Variants in TBC1D5 observed in about 807,000 individuals in gnomAD.
The protein encoded by TBC1D5 is TBC1 domain family member 5, also known as TBC1 domain family, member 5.
TBC1D5 carries 75 observed loss-of-function variants against 100.3 expected under a neutral mutation model. The ratio of observed to expected loss-of-function variants is 0.75; its 90% confidence interval spans 0.62 to 0.91. The LOEUF (loss-of-function observed/expected upper bound fraction) is 0.91, where lower values mean the gene tolerates loss of function less well. Among genes scored for constraint, TBC1D5 ranks in the 40% least tolerant of loss-of-function variants. The pLI, the probability that TBC1D5 is intolerant of heterozygous loss-of-function variation, is 0.00. For missense variants in TBC1D5, 910 were observed against 942.4 expected, an observed-to-expected ratio of 0.97 and a Z score of 0.45; for synonymous variants, 323 against 325.6, an observed-to-expected ratio of 0.99 and a Z score of 0.09.
chr3:17,184,904 A>G (rs757672872), intron 19 of TBC1D5: 3 of 323,174 alleles, frequency 9.3e-6, no homozygotes, highest in Non-Finnish European at 1.7e-5. Context: ...ATCTTGGGGC[A>G]TTTTCTTAAT....
chr3:17,208,958 A>G (rs983597817), intron 18 of TBC1D5, among the ~76,000 whole-genome samples: 9 of 152,242 alleles, frequency 5.9e-5, no homozygotes, highest in Non-Finnish European at 1.0e-4. Flanking sequence ...TAAGTTATAT[A>G]TGTAACACTT....
At chr3:17,516,289 G>C (rs1197015958) in intron 2 of TBC1D5, among the ~76,000 whole-genome samples, 2 of 151,752 alleles carry the variant, frequency 1.3e-5, no homozygotes. Context: ...ATTAGAATAA[G>C]TTTTTTTTAA....
intron 15 of TBC1D5, among the ~76,000 whole-genome samples, chr3:17,282,137 A>G (rs2149926940): frequency 6.6e-6 from 1 of 152,330 alleles, no homozygotes; most frequent in South Asian, 2.1e-4. Flanking sequence ...ATCACCCTTT[A>G]AAAAACAATT....
chr3:17,350,760 T>C (rs2090474516), intron 13 of TBC1D5, among the ~76,000 whole-genome samples: 1 of 152,182 alleles, frequency 6.6e-6, no homozygotes, highest in African/African-American at 2.4e-5. Context: ...TTTATTTTTG[T>C]GTCAAAGGCT....
intron 15 of TBC1D5, among the ~76,000 whole-genome samples, chr3:17,285,344 T>C (rs2081071331): frequency 7.3e-6 from 1 of 136,408 alleles, no homozygotes; most frequent in Non-Finnish European, 1.5e-5. Flanking sequence ...CACTGCAAGC[T>C]CCGCCTCCCG....
intron 18 of TBC1D5, among the ~76,000 whole-genome samples, chr3:17,207,912 T>C (rs547678616): frequency 9.9e-5 from 15 of 152,236 alleles, no homozygotes; most frequent in Non-Finnish European, 1.9e-4. Flanking sequence ...CTTTAAAAGA[T>C]AAACTGAGTC....
intron 13 of TBC1D5, among the ~76,000 whole-genome samples, chr3:17,368,427 G>A (rs9861749): frequency 0.41 from 62,515 of 151,796 alleles, 13,535 homozygotes; most frequent in Middle Eastern, 0.47. Flanking sequence ...AAAATTTAGT[G>A]ACAAATATAA....
chr3:17,381,481 AAAAG>A (rs1482874361), intron 9 of TBC1D5, among the ~76,000 whole-genome samples: 1 of 152,128 alleles, frequency 6.6e-6, no homozygotes, highest in African/African-American at 2.4e-5. Flanking sequence ...CAACATAATG[AAAAG>A]AAAGCAGAAA....
chr3:17,703,574 G>T (rs1244694154), intron 1 of TBC1D5, among the ~76,000 whole-genome samples: 2 of 152,040 alleles, frequency 1.3e-5, no homozygotes, highest in Admixed American at 1.3e-4. Context: ...GGGTGGGAAA[G>T]ACTAGTAGTT....
intron 2 of TBC1D5, among the ~76,000 whole-genome samples, chr3:17,584,777 C>T (rs1320845869): frequency 6.6e-6 from 1 of 152,188 alleles, no homozygotes; most frequent in East Asian, 1.9e-4. Flanking sequence ...CTGCCTCAGC[C>T]TCATGAGTAG....
At chr3:17,267,992 G>A (rs1427980033) in intron 15 of TBC1D5, among the ~76,000 whole-genome samples, 1 of 151,964 alleles carries the variant, frequency 6.6e-6, no homozygotes, top group Admixed American at 6.6e-5. Context: ...CTAAGTGAAG[G>A]AAGAAATCAC....
At chr3:17,423,190 A>G (rs1280504829) in intron 4 of TBC1D5, among the ~76,000 whole-genome samples, 1 of 152,120 alleles carries the variant, frequency 6.6e-6, no homozygotes, top group Non-Finnish European at 1.5e-5. Flanking sequence ...CTTAAAAGGA[A>G]AAAAACAAAC....
chr3:17,171,220 G>C (rs192360364), intron 19 of TBC1D5, among the ~76,000 whole-genome samples: 4 of 152,246 alleles, frequency 2.6e-5, no homozygotes, highest in Admixed American at 1.3e-4. Flanking sequence ...GAGGCACCTA[G>C]AGCACGCCAT....
At chr3:17,474,723 C>T (rs894134878) in intron 3 of TBC1D5, among the ~76,000 whole-genome samples, 4 of 152,044 alleles carry the variant, frequency 2.6e-5, no homozygotes, top group Admixed American at 2.6e-4. Context: ...CAGGCAAGGA[C>T]AGGAGAAGCA....
chr3:17,511,965 C>T (rs190840958), intron 2 of TBC1D5, among the ~76,000 whole-genome samples: 1 of 152,010 alleles, frequency 6.6e-6, no homozygotes, highest in African/African-American at 2.4e-5. Context: ...ATTTAAATAA[C>T]CTAATTCAAA....
chr3:17,640,914 A>G (rs912184642), intron 1 of TBC1D5, among the ~76,000 whole-genome samples: 1 of 152,082 alleles, frequency 6.6e-6, no homozygotes, highest in African/African-American at 2.4e-5. Flanking sequence ...CCTACTAGCC[A>G]CAGGATATTC....
intron 2 of TBC1D5, among the ~76,000 whole-genome samples, chr3:17,618,100 T>C (rs188124101): frequency 1.1e-4 from 17 of 151,228 alleles, no homozygotes; most frequent in Non-Finnish European, 8.9e-5. Flanking sequence ...GATGTCCTTT[T>C]TGTTGGTGTT....
intron 16 of TBC1D5, among the ~76,000 whole-genome samples, chr3:17,245,242 A>G (rs2076640218): frequency 1.3e-5 from 2 of 152,188 alleles, no homozygotes; most frequent in South Asian, 2.1e-4. Flanking sequence ...GAATGTTTCT[A>G]AAGTTCTTAA....
intron 2 of TBC1D5, among the ~76,000 whole-genome samples, chr3:17,588,253 A>AG (rs2096744703): frequency 6.7e-6 from 1 of 148,762 alleles, no homozygotes; most frequent in Non-Finnish European, 1.5e-5. Context: ...CCAAGAAAGG[A>AG]GAAAAAAAAA....
Sources: gnomAD v4.1 joint callset for allele counts (sites outside exome capture counted in the v4.1 genomes callset) on GRCh38, gnomAD v4.1.1 for gene constraint, MANE v1.5 for transcripts, NCBI Gene and HGNC (gene_info 2026-07-23, HGNC 2026-07-21) for gene names.